TENM4: variants seen among roughly 807,000 people sequenced by gnomAD.
TENM4 encodes teneurin transmembrane protein 4.
TENM4 carries 82 observed loss-of-function variants against 243.3 expected under a neutral mutation model. That is an observed-to-expected ratio of 0.34 (90% CI 0.28 to 0.40). The LOEUF is 0.40. Among genes scored for constraint, TENM4 ranks in the 10% least tolerant of loss-of-function variants. The pLI is 1.00. For missense variants in TENM4, 3,138 were observed against 3,673.3 expected (o/e 0.85, Z 3.77); for synonymous variants, 1,412 against 1,456.3 (o/e 0.97, Z 0.69).
intron 1 of TENM4, among the ~76,000 whole-genome samples, chr11:79,367,627 ATG>A (rs987997717): frequency 2.0e-5 from 3 of 152,356 alleles, no homozygotes; most frequent in African/African-American, 7.2e-5. Context: ...TCTTGGCAAT[ATG>A]AAGGAGCTTC....
intron 4 of TENM4, among the ~76,000 whole-genome samples, chr11:79,114,937 T>C (rs548072726): frequency 1.3e-5 from 2 of 152,198 alleles, no homozygotes; most frequent in East Asian, 3.9e-4. Context: ...ACATGTTTAT[T>C]AAGCATCTTG....
chr11:79,185,962 T>C (rs1056738266), intron 3 of TENM4, among the ~76,000 whole-genome samples: 2 of 152,170 alleles, frequency 1.3e-5, no homozygotes, highest in Non-Finnish European at 2.9e-5. Context: ...GCATTTTACA[T>C]GTATAGAAGG....
intron 6 of TENM4, among the ~76,000 whole-genome samples, chr11:78,912,629 T>C (rs139371713): frequency 6.6e-6 from 1 of 152,270 alleles, no homozygotes; most frequent in East Asian, 1.9e-4. Flanking sequence ...AAAATGCACA[T>C]GAGGTTCCTC....
At chr11:79,062,987 G>A (rs1276517524) in intron 6 of TENM4, among the ~76,000 whole-genome samples, 3 of 152,076 alleles carry the variant, frequency 2.0e-5, no homozygotes, top group African/African-American at 4.8e-5. Context: ...CCCTTCACAG[G>A]GCTGGCTGGG....
intron 2 of TENM4, among the ~76,000 whole-genome samples, chr11:79,245,104 C>A (rs1855489337): frequency 6.6e-6 from 1 of 152,164 alleles, no homozygotes. Flanking sequence ...GGCCATGGTG[C>A]TCTCCTACTG....
chr11:78,867,105 A>G (rs504570), intron 9 of TENM4, among the ~76,000 whole-genome samples: 1 of 152,244 alleles, frequency 6.6e-6, no homozygotes, highest in Non-Finnish European at 1.5e-5. Context: ...TGTTACAAAC[A>G]ATCCAATTAT....
intron 6 of TENM4, among the ~76,000 whole-genome samples, chr11:78,909,115 G>A (rs146556171): frequency 3.5e-4 from 54 of 152,296 alleles, no homozygotes; most frequent in Non-Finnish European, 6.3e-4. Context: ...ATGGACTACC[G>A]TAGGTTGAAT....
chr11:79,371,433 C>T (rs144419572), intron 1 of TENM4, among the ~76,000 whole-genome samples: 101 of 152,252 alleles, frequency 6.6e-4, no homozygotes, highest in African/African-American at 2.4e-3. Flanking sequence ...AAAAAAAAAT[C>T]ACCTCTACCA....
intron 1 of TENM4, among the ~76,000 whole-genome samples, chr11:79,335,322 G>C (rs1007509830): frequency 6.6e-6 from 1 of 152,180 alleles, no homozygotes; most frequent in Non-Finnish European, 1.5e-5. Flanking sequence ...TGCTCAAAGA[G>C]AGCCAATAGG....
At chr11:78,831,755 A>G (rs199704988) in intron 12 of TENM4, among the ~76,000 whole-genome samples, 3 of 152,216 alleles carry the variant, frequency 2.0e-5, no homozygotes. Flanking sequence ...TGAAGGCTCA[A>G]AGCAGCTTTA....
intron 12 of TENM4, among the ~76,000 whole-genome samples, chr11:78,825,088 C>T (rs1857822124): frequency 6.6e-6 from 1 of 152,130 alleles, no homozygotes; most frequent in Non-Finnish European, 1.5e-5. Flanking sequence ...CTATTGACTC[C>T]ACTGTGTTAA....
intron 28 of TENM4, among the ~76,000 whole-genome samples, chr11:78,691,661 GATC>G: frequency 6.6e-6 from 1 of 152,158 alleles, no homozygotes; most frequent in East Asian, 1.9e-4. Context: ...TAATTACATT[GATC>G]CTAAAGAAGA....
chr11:79,361,760 C>T (rs760080116), intron 1 of TENM4, among the ~76,000 whole-genome samples: 1 of 150,942 alleles, frequency 6.6e-6, no homozygotes, highest in African/African-American at 2.5e-5. Context: ...AAATAAATAT[C>T]GCAACAGAAA....
rs749496162 is a variant in TENM4 at position 78,676,158 on chromosome 11, C to T, written c.5490G>A (p.Arg1830=). 1.7e-5 allele frequency: 25 copies of T among 1,511,984 alleles called. No individual in the cohort carries two copies. Among genetic ancestry groups the T allele is most frequent in the Non-Finnish European group, 2.1e-5 (24 of 1,118,030 alleles). 93.7% of individuals were successfully genotyped at this position (1,511,984 alleles called of 1,614,324 possible). Residue 1830 remains arginine (R), a synonymous_variant, in exon 30 of 34, where the codon CGG becomes CGA. Coordinates refer to ENST00000278550, the MANE Select transcript of TENM4 (RefSeq NM_001098816.3). ...CTCCAGAGGCCTCGCTCACCCGCAG[C>T]CGGCGCCCAAAGACAGTGACCTGGC... ...ARGQVTVFGR[R]LRVHNRNLLS...
chr11:79,013,587 G>C (rs555033268), intron 6 of TENM4, among the ~76,000 whole-genome samples: 1 of 152,178 alleles, frequency 6.6e-6, no homozygotes, highest in Non-Finnish European at 1.5e-5. Context: ...CCTCTGGAGC[G>C]CCAACAGGGA....
At chr11:78,990,483 T>A (rs974489672) in intron 6 of TENM4, among the ~76,000 whole-genome samples, 1 of 152,162 alleles carries the variant, frequency 6.6e-6, no homozygotes, top group African/African-American at 2.4e-5. Context: ...GGGCACCCTA[T>A]GCCATGGACT....
At chr11:78,913,169 A>AT (rs1856229398) in intron 6 of TENM4, among the ~76,000 whole-genome samples, 1 of 152,232 alleles carries the variant, frequency 6.6e-6, no homozygotes, top group African/African-American at 2.4e-5. Context: ...AAAAGGATGG[A>AT]ATGAAAGAAA....
chr11:78,708,660 G>GA, intron 26 of TENM4, 145 bp from the exon 27 acceptor site: 2 of 1,017,486 alleles, frequency 2.0e-6, no homozygotes, highest in Non-Finnish European at 2.8e-6. Flanking sequence ...TCTCAAAGAG[G>GA]AGGAGTCTCA....
In TENM4 at chr11:78,863,470, C is replaced by T. The variant is rs186201881; in HGVS notation, c.1085-338G>A. ...GGTATGACAATGTTAATTTCCTTAA[C>T]GCAAAAATAACTTGTACAAATAATA... On this transcript the variant is annotated intron_variant, in intron 9 of 33. Transcript: ENST00000278550. Among the ~76,000 whole-genome samples, 7 of 152,202 alleles carry T rather than the reference C, an allele frequency of 4.6e-5. No individual in the cohort carries two copies. The East Asian group carries it at 7.7e-4, about 17-fold the overall frequency.
Sources: allele counts gnomAD v4.1 joint callset (sites outside exome capture counted in the v4.1 genomes callset), GRCh38; gene constraint gnomAD v4.1.1; transcripts MANE v1.5; gene names NCBI Gene and HGNC (gene_info 2026-07-23, HGNC 2026-07-21).